The following BRI3BP variants were observed in gnomAD, a reference collection of about 807,000 sequenced individuals.
The protein encoded by BRI3BP is BRI3-binding protein.
A neutral mutation model predicts 15.8 loss-of-function variants in BRI3BP; 7 were observed. The ratio of observed to expected loss-of-function variants is 0.44; its 90% CI spans 0.25 to 0.83. The LOEUF (loss-of-function observed/expected upper bound fraction) is 0.83, where lower values mean the gene tolerates loss of function less well. BRI3BP is among the 40% of genes least tolerant of loss of function. The pLI is 0.20. For synonymous variants in BRI3BP, 192 were observed against 163.5 expected, an observed-to-expected ratio of 1.17 and a Z score of -1.33; for missense variants, 320 against 339.3, an observed-to-expected ratio of 0.94 and a Z score of 0.45.
chr12:125,005,535 G>T (rs1006799949), intron 1 of BRI3BP, among the ~76,000 whole-genome samples: 4 of 152,054 alleles, frequency 2.6e-5, no homozygotes, highest in Non-Finnish European at 5.9e-5. Context: ...TTGGGAGGCC[G>T]AGGCGGGCAG....
intron 1 of BRI3BP, among the ~76,000 whole-genome samples, chr12:125,009,624 G>A (rs866342628): frequency 6.6e-6 from 1 of 151,478 alleles, no homozygotes; most frequent in African/African-American, 2.4e-5. Context: ...AGAGATGGGG[G>A]GGGGGTCTCA....
At position 125,016,575 on chromosome 12, in the gene BRI3BP, A is replaced by G. The variant is rs541260866; in HGVS notation, c.316+3939A>G. ...AAGTCTCACTCTATTGCCCAAGCTG[A>G]AGTGCAATGGCGCTATCTCGGCTCA... On this transcript the variant is annotated intron_variant, in intron 2 of 2. Coordinates refer to ENST00000341446, the MANE Select transcript of BRI3BP (RefSeq NM_080626.6). 3.9e-5 allele frequency among the ~76,000 whole-genome samples: 6 copies of G among 151,930 alleles called. No individual in the cohort carries two copies. The East Asian group carries it at 5.8e-4, about 15-fold the overall frequency.
the BRI3BP span, among the ~76,000 whole-genome samples, chr12:125,038,279 C>T: frequency 3.6e-4 from 54 of 151,582 alleles, no homozygotes; most frequent in African/African-American, 1.2e-3. Flanking sequence ...AAAAGTTCAC[C>T]GTTCTGTTCC....
At chr12:125,018,349 A>G (rs1462573984) in intron 2 of BRI3BP, among the ~76,000 whole-genome samples, 2 of 152,164 alleles carry the variant, frequency 1.3e-5, no homozygotes, top group African/African-American at 2.4e-5. Context: ...ATGGGATGCT[A>G]TTTGGAGATG....
intron 1 of BRI3BP, among the ~76,000 whole-genome samples, chr12:125,002,280 C>T (rs1056912236): frequency 3.3e-5 from 5 of 151,550 alleles, no homozygotes; most frequent in African/African-American, 7.3e-5. Context: ...TTTGGGGAAC[C>T]GTCACCCTTT....
At chr12:125,038,663 G>A in the BRI3BP span, among the ~76,000 whole-genome samples, 1 of 152,190 alleles carries the variant, frequency 6.6e-6, no homozygotes, top group Non-Finnish European at 1.5e-5. Context: ...TACTCAGGAA[G>A]CTGAGGCAGG....
Position 125,025,613 on chromosome 12 carries a change from G to A in BRI3BP, c.*183G>A. ...GGACACATTCCCAGAAGAGCGGAAA[G>A]ATCATTGACGTGGAACTACACACGA... On this transcript the variant is annotated 3_prime_UTR_variant, in exon 3 of 3. Coordinates refer to ENST00000341446, the MANE Select transcript of BRI3BP (RefSeq NM_080626.6). 1.6e-6 allele frequency: 1 copy of A among 613,782 alleles called. No homozygotes were observed. Among genetic ancestry groups the A allele is most frequent in the Non-Finnish European group, 2.7e-6 (1 of 365,022 alleles). The allele number at this position is 613,782 out of a possible 1,614,324, so 38.0% of individuals were successfully genotyped here.
chr12:125,025,444 G>A lies in BRI3BP; in HGVS notation c.*14G>A. 1.9e-6 allele frequency: 3 copies of A among 1,569,030 alleles called. No individual in the cohort carries two copies. Among genetic ancestry groups the A allele is most frequent in the Admixed American group, 1.8e-5 (1 of 54,060 alleles). On this transcript the variant is annotated 3_prime_UTR_variant, in exon 3 of 3. Coordinates refer to ENST00000341446, the MANE Select transcript of BRI3BP (RefSeq NM_080626.6). ...AAGGACAAGTGAAGGTCAGCCGGCCGGGCGGGTCCACAGTTACCAGCACGC... is the reference window on the plus strand; with the variant it reads ...AAGGACAAGTGAAGGTCAGCCGGCCAGGCGGGTCCACAGTTACCAGCACGC...
the BRI3BP span, among the ~76,000 whole-genome samples, chr12:125,044,293 C>G: frequency 6.6e-6 from 1 of 152,016 alleles, no homozygotes; most frequent in African/African-American, 2.4e-5. Context: ...GCTGGGATTA[C>G]AGGCATGCGC....
chr12:125,044,185 CT>C, the BRI3BP span, among the ~76,000 whole-genome samples: 77,625 of 151,814 alleles, frequency 0.51, 22,631 homozygotes, highest in East Asian at 0.69. Flanking sequence ...TGGAGTCTCT[CT>C]CTGTCGCCCA....
rs1007361141 is a variant in BRI3BP at position 125,027,552 on chromosome 12, C to G, written c.*2122C>G. 2.6e-5 allele frequency: 4 copies of G among 151,366 alleles called. No individual in the cohort carries two copies. The highest frequency in any genetic ancestry group is 5.9e-5 in the Non-Finnish European group (4 of 67,922). The allele number at this position is 151,366 out of a possible 1,614,324, so 9.4% of individuals were successfully genotyped here. On this transcript the variant is annotated 3_prime_UTR_variant, in exon 3 of 3. Coordinates refer to ENST00000341446, the MANE Select transcript of BRI3BP (RefSeq NM_080626.6). ...AGGCCTGGTGGTGGGCGCCTGTGAT[C>G]CCAGCTACTTGGGAGGCTGAGGCTG... is the stretch of plus-strand genomic sequence containing the variant.
chr12:125,027,995 A>G lies in BRI3BP; in HGVS notation c.*2565A>G, dbSNP rs1329514233. 6.6e-6 allele frequency: 1 copy of G among 152,224 alleles called. No homozygotes were observed. The highest frequency in any genetic ancestry group is 1.5e-5 in the Non-Finnish European group (1 of 68,066). The allele number at this position is 152,224 out of a possible 1,614,324, so 9.4% of individuals were successfully genotyped here. A position where few individuals can be genotyped will look rare whatever the true frequency, so the allele number is the denominator to read the frequency against. On this transcript the variant is annotated 3_prime_UTR_variant, in exon 3 of 3. Coordinates refer to ENST00000341446, the MANE Select transcript of BRI3BP (RefSeq NM_080626.6). The stretch of plus-strand genomic sequence containing the variant: ...AGCCACCGCGCTGGGCCTAGATCAA[A>G]TCTTTATCCATGCACATTGGAACAC...
chr12:125,024,944 C>T (rs1367187403), intron 2 of BRI3BP, 47 bp from the exon 3 acceptor site: 1 of 1,519,956 alleles, frequency 6.6e-7, no homozygotes, highest in Non-Finnish European at 9.0e-7. Flanking sequence ...GTTAAGAAAC[C>T]CCTGGCCCCT....
chr12:125,041,735 A>G, the BRI3BP span, among the ~76,000 whole-genome samples: 1 of 152,316 alleles, frequency 6.6e-6, no homozygotes, highest in East Asian at 1.9e-4. Flanking sequence ...GAGTCCTGCT[A>G]TGTTTGACTA....
In BRI3BP at chr12:125,025,429, G is replaced by A; in HGVS notation, c.755G>A (p.Ter252=). 6.3e-7 allele frequency: 1 copy of A among 1,584,256 alleles called. No individual in the cohort carries two copies. The highest frequency in any genetic ancestry group is 8.6e-7 in the Non-Finnish European group (1 of 1,160,916). Residue 252 remains the stop codon, a stop_retained_variant, in exon 3 of 3, where the codon TGA becomes TAA. Coordinates refer to ENST00000341446, the MANE Select transcript of BRI3BP (RefSeq NM_080626.6). Reference sequence around the variant, plus strand: ...AGCCTGGACCGCTCCAAGGACAAGTGAAGGTCAGCCGGCCGGGCGGGTCCA... The same window carrying A: ...AGCCTGGACCGCTCCAAGGACAAGTAAAGGTCAGCCGGCCGGGCGGGTCCA... ...LESLDRSKDK[*] is the part of the protein sequence containing the mutation.
At chr12:125,008,317 T>C (rs1955165755) in intron 1 of BRI3BP, among the ~76,000 whole-genome samples, 1 of 141,818 alleles carries the variant, frequency 7.1e-6, no homozygotes, top group Admixed American at 7.0e-5. Flanking sequence ...TTTTTTTTTT[T>C]TTTTGATTTT....
the BRI3BP span, among the ~76,000 whole-genome samples, chr12:125,044,603 C>G: frequency 6.6e-6 from 1 of 151,862 alleles, no homozygotes; most frequent in East Asian, 1.9e-4. Context: ...CATGCGCCAC[C>G]ACACCCAGTT....
chr12:125,025,391 C>G lies in BRI3BP; in HGVS notation c.717C>G (p.Asn239Lys). ...KQVRLLNIRLNRVLESLDRSK... is the reference protein window; with the variant it reads ...KQVRLLNIRLKRVLESLDRSK... ...TCAGACTGCTCAACATCCGTCTCAA[C>G]CGGGTGCTCGAGAGCCTGGACCGCT... Residue 239 changes from asparagine to lysine, a missense_variant, in exon 3 of 3, where the codon AAC (asparagine) becomes AAG (lysine). Asn to Lys is a moderately conservative substitution (Grantham distance 94, BLOSUM62 0). Coordinates refer to ENST00000341446, the MANE Select transcript of BRI3BP (RefSeq NM_080626.6). 1 of 1,609,740 alleles carries G rather than the reference C, an allele frequency of 6.2e-7. No individual in the cohort carries two copies. The highest frequency in any genetic ancestry group is 8.5e-7 in the Non-Finnish European group (1 of 1,177,876).
the BRI3BP span, among the ~76,000 whole-genome samples, chr12:125,050,643 C>T: frequency 6.6e-6 from 1 of 152,224 alleles, no homozygotes; most frequent in Non-Finnish European, 1.5e-5. Flanking sequence ...GGGACCAGAG[C>T]CCGGCGGTCA....
Sources: allele counts gnomAD v4.1 joint callset (sites outside exome capture counted in the v4.1 genomes callset), GRCh38; gene constraint gnomAD v4.1.1; transcripts MANE v1.5; gene names NCBI Gene and HGNC (gene_info 2026-07-23, HGNC 2026-07-21).